Variants in PARP11 observed in about 807,000 individuals in gnomAD.
The protein encoded by PARP11 is protein mono-ADP-ribosyltransferase PARP11.
Under a neutral mutation model 42.9 loss-of-function variants are expected in PARP11, and 31 were observed. The ratio of observed to expected loss-of-function variants is 0.72; its 90% CI spans 0.54 to 0.98. PARP11 has a LOEUF of 0.98. Among genes scored for constraint, PARP11 ranks in the 50% least tolerant of loss-of-function variants. The pLI, the probability that PARP11 is intolerant of heterozygous loss-of-function variation, is 0.00. For synonymous variants in PARP11, 137 were observed against 127.3 expected (o/e 1.08, Z -0.51); for missense variants, 365 against 413.1 (o/e 0.88, Z 1.01).
At chr12:3,859,213 T>C (rs1320461895) in intron 1 of PARP11, among the ~76,000 whole-genome samples, 4 of 152,058 alleles carry the variant, frequency 2.6e-5, no homozygotes, top group African/African-American at 9.7e-5. Context: ...AGATACATTA[T>C]TATATAGATG....
chr12:3,814,952 C>T (rs1184439990), intron 6 of PARP11: 1 of 448,742 alleles, frequency 2.2e-6, no homozygotes, highest in South Asian at 1.6e-5. Flanking sequence ...TATACATACA[C>T]AGGTAGTAAA....
rs910566129 is a variant in PARP11, at chr12:3,842,364, T to C, written c.19-12346A>G. The C allele has an allele frequency of 3.7e-6, 6 of 1,611,720 alleles. No individual in the cohort carries two copies. In the Admixed American group the frequency reaches 8.3e-5, roughly 22 times the overall value. The stretch of plus-strand genomic sequence containing the variant: ...GGGGCTATTCTGGTAGGGGCGGATA[T>C]CAACATGTGAGAAGTGAGGAGTCCT... On this transcript the variant is annotated intron_variant, in intron 1 of 7. Transcript: ENST00000228820.
At chr12:3,833,201 T>C (rs1436268499) in intron 1 of PARP11, among the ~76,000 whole-genome samples, 1 of 152,202 alleles carries the variant, frequency 6.6e-6, no homozygotes, top group Admixed American at 6.5e-5. Context: ...TCCTTGCCTC[T>C]ACATATAAAG....
rs1234280965 is a variant in PARP11, at chr12:3,873,339, T to C, written c.-110A>G. ...GTCCCCGGGAGCGAAGGGACGGAGA[T>C]GCAACCTTTACGAAGGCCTTCCTCC... On this transcript the variant is annotated 5_prime_UTR_variant, in exon 1 of 8. Coordinates refer to ENST00000228820, the MANE Select transcript of PARP11 (RefSeq NM_020367.6). 5 of 1,049,940 alleles carry C rather than the reference T, an allele frequency of 4.8e-6. No homozygotes were observed. The highest frequency in any genetic ancestry group is 1.6e-5 in the African/African-American group (1 of 63,142). 65.0% of individuals were successfully genotyped at this position (1,049,940 alleles called of 1,614,324 possible). A position where few individuals can be genotyped will look rare whatever the true frequency, so the allele number is the denominator to read the frequency against.
intron 1 of PARP11, among the ~76,000 whole-genome samples, chr12:3,839,179 G>C (rs995205705): frequency 6.7e-6 from 1 of 149,460 alleles, no homozygotes; most frequent in Non-Finnish European, 1.5e-5. Context: ...GCCGCCTGCC[G>C]CCGCTCGCGG....
chr12:3,838,192 A>T (rs1947804617), intron 1 of PARP11, among the ~76,000 whole-genome samples: 1 of 151,568 alleles, frequency 6.6e-6, no homozygotes, highest in African/African-American at 2.4e-5. Context: ...TCTTCAGAAT[A>T]GGCCATATCT....
intron 6 of PARP11, among the ~76,000 whole-genome samples, chr12:3,817,552 G>A (rs1053667689): frequency 1.3e-5 from 2 of 152,166 alleles, no homozygotes; most frequent in African/African-American, 4.8e-5. Flanking sequence ...ATGAACTTTA[G>A]TTACATCTGC....
At chr12:3,869,272 T>C (rs1260633555) in intron 1 of PARP11, among the ~76,000 whole-genome samples, 1 of 152,234 alleles carries the variant, frequency 6.6e-6, no homozygotes, top group African/African-American at 2.4e-5. Context: ...TATGTGGATA[T>C]CTTTAGGAGG....
At chr12:3,846,885 G>A (rs1948013521) in intron 1 of PARP11, among the ~76,000 whole-genome samples, 1 of 152,014 alleles carries the variant, frequency 6.6e-6, no homozygotes, top group Non-Finnish European at 1.5e-5. Flanking sequence ...AGGAGTTCAA[G>A]ACCAGTCTAG....
chr12:3,838,807 G>A (rs1003394424), intron 1 of PARP11, among the ~76,000 whole-genome samples: 1 of 152,214 alleles, frequency 6.6e-6, no homozygotes. Context: ...ACGAAAGGCC[G>A]CGTCTTTCTT....
At chr12:3,820,466 T>A (rs1947370476) in intron 6 of PARP11, among the ~76,000 whole-genome samples, 1 of 152,214 alleles carries the variant, frequency 6.6e-6, no homozygotes, top group Non-Finnish European at 1.5e-5. Flanking sequence ...ATGTAATTTA[T>A]GTCATTACAT....
chr12:3,868,576 T>C (rs1166521283), intron 1 of PARP11, among the ~76,000 whole-genome samples: 2 of 152,198 alleles, frequency 1.3e-5, no homozygotes, highest in African/African-American at 4.8e-5. Context: ...TTAAACATAG[T>C]GAGTCCAGAA....
At chr12:3,831,888 T>C (rs745728384) in intron 1 of PARP11, among the ~76,000 whole-genome samples, 10 of 152,098 alleles carry the variant, frequency 6.6e-5, no homozygotes, top group Non-Finnish European at 1.3e-4. Context: ...CATTGGGCCA[T>C]TTAACTGTGA....
chr12:3,872,526 G>A, intron 1 of PARP11: 1 of 985,092 alleles, frequency 1.0e-6, no homozygotes, highest in Non-Finnish European at 1.2e-6. Context: ...GTCAGCCAAG[G>A]AAGAAGGCAG....
chr12:3,842,074 C>G, intron 1 of PARP11: 1 of 1,608,066 alleles, frequency 6.2e-7, no homozygotes, highest in Non-Finnish European at 8.5e-7. Flanking sequence ...CACTCAGATT[C>G]TAAACAGAGA....
chr12:3,814,081 A>C lies in PARP11; in HGVS notation c.656T>G (p.Phe219Cys). 6.2e-7 allele frequency: 1 copy of C among 1,606,516 alleles called. No individual in the cohort carries two copies. Among genetic ancestry groups the C allele is most frequent in the Non-Finnish European group, 8.5e-7 (1 of 1,175,306 alleles). The change falls in exon 7 of 8, where the codon TTT (phenylalanine) becomes TGT (cysteine). Residue 219 changes from phenylalanine (F) to cysteine (C), a missense_variant. Phe to Cys is a radical substitution (Grantham distance 205, BLOSUM62 -2). Coordinates refer to ENST00000228820, the MANE Select transcript of PARP11 (RefSeq NM_020367.6). ...ATGTATACCATTTATTCTCCAATCA[A>C]AGTTATGAATGCAGATTGCTTCCAC... The part of the protein sequence containing the change: ...EFVEAICIHN[F>C]DWRINGIHGA...
At chr12:3,858,323 A>C (rs1948227035) in intron 1 of PARP11, among the ~76,000 whole-genome samples, 1 of 152,242 alleles carries the variant, frequency 6.6e-6, no homozygotes, top group Non-Finnish European at 1.5e-5. Context: ...GATAAAGATA[A>C]CATTAACCAT....
At position 3,842,216 on chromosome 12, in the gene PARP11, C is replaced by T. The variant is rs558853390; in HGVS notation, c.19-12198G>A. 19 of 1,604,796 alleles carry T rather than the reference C, an allele frequency of 1.2e-5. No individual in the cohort carries two copies. In the African/African-American group the frequency reaches 1.6e-4, roughly 14 times the overall value. On this transcript the variant is annotated intron_variant, in intron 1 of 7. Coordinates refer to ENST00000228820, the MANE Select transcript of PARP11 (RefSeq NM_020367.6). ...GCCCTGGGGCCAACTCTGTGGATAGCAGAGTGCAAAGACCAAAAGAAGAGA... is the reference window on the plus strand; with the variant it reads ...GCCCTGGGGCCAACTCTGTGGATAGTAGAGTGCAAAGACCAAAAGAAGAGA...
Position 3,828,900 on chromosome 12 carries a change from A to G in PARP11, c.268+10T>C. Reference sequence around the variant, plus strand: ...CTAAAAACACACAACTATTAGGGAAAAAAACATACCTGCAAAGTCTATCTT... The same window carrying G: ...CTAAAAACACACAACTATTAGGGAAGAAAACATACCTGCAAAGTCTATCTT... On this transcript the variant is annotated intron_variant, in intron 3 of 7. Coordinates refer to ENST00000228820, the MANE Select transcript of PARP11 (RefSeq NM_020367.6). 1 of 1,612,972 alleles carries G rather than the reference A, an allele frequency of 6.2e-7. No homozygotes were observed. Among genetic ancestry groups the G allele is most frequent in the Non-Finnish European group, 8.5e-7 (1 of 1,179,310 alleles).
Sources: allele counts gnomAD v4.1 joint callset (sites outside exome capture counted in the v4.1 genomes callset), GRCh38; gene constraint gnomAD v4.1.1; transcripts MANE v1.5; gene names NCBI Gene and HGNC (gene_info 2026-07-23, HGNC 2026-07-21).